HOOK2: variants seen among roughly 807,000 people sequenced by gnomAD.
HOOK2 encodes protein Hook homolog 2.
A neutral mutation model predicts 111.9 loss-of-function variants in HOOK2; 108 were observed. The observed-to-expected ratio is 0.96, with a 90% CI of 0.83 to 1.13. The LOEUF (loss-of-function observed/expected upper bound fraction) is 1.13. HOOK2 is among the 50% of genes most tolerant of loss of function. The pLI is 0.00. For missense variants in HOOK2, 978 were observed against 951.3 expected, an observed-to-expected ratio of 1.03 and a Z score of -0.37; for synonymous variants, 405 against 394.3, an observed-to-expected ratio of 1.03 and a Z score of -0.32.
At chr19:12,764,142 G>A (rs1028417029) in intron 20 of HOOK2, among the ~76,000 whole-genome samples, 2 of 151,860 alleles carry the variant, frequency 1.3e-5, no homozygotes, top group African/African-American at 4.8e-5. Context: ...AGCCTCCCGA[G>A]TAGCTGGGAT....
chr19:12,766,035 T>C (rs771982018), intron 15 of HOOK2, 21 bp from the exon 16 acceptor site: 2 of 1,611,408 alleles, frequency 1.2e-6, no homozygotes, highest in South Asian at 2.2e-5. Flanking sequence ...GGGGGGCCGC[T>C]TAGTGCCTGT....
chr19:12,772,190 C>T lies in HOOK2; in HGVS notation c.519G>A (p.Gln173=), dbSNP rs375643455. Residue 173 remains glutamine (Q), a splice_region_variant and synonymous_variant, in exon 7 of 23, where the codon CAG becomes CAA. Transcript: ENST00000397668. ...AACACCTTTCCCCCAAATCTCTTAC[C>T]TGGCTGTCAAAGTTGCCATACGTCT... ...SPETYGNFDS[Q]SRRYYFLSEE... 3 of 1,610,456 alleles carry T rather than the reference C, an allele frequency of 1.9e-6. No homozygotes were observed. The highest frequency in any genetic ancestry group is 2.2e-5 in the East Asian group (1 of 44,878).
chr19:12,782,583 T>A (rs376408647), upstream of HOOK2, among the ~76,000 whole-genome samples: 1 of 152,024 alleles, frequency 6.6e-6, no homozygotes, highest in African/African-American at 2.4e-5. Flanking sequence ...GCTGCGTGCG[T>A]GGAACCCGAC....
At chr19:12,765,144 G>T in intron 18 of HOOK2, 63 bp from the exon 19 acceptor site, 2 of 1,533,708 alleles carry the variant, frequency 1.3e-6, no homozygotes, top group South Asian at 1.1e-5. Context: ...TTGTCCCAGT[G>T]GTAGCCACAG....
intron 13 of HOOK2, 88 bp downstream of exon 13, chr19:12,767,728 C>A: frequency 7.8e-7 from 1 of 1,283,458 alleles, no homozygotes; most frequent in East Asian, 2.5e-5. Context: ...AGCTCTGTCC[C>A]CAACCTAGAC....
intron 3 of HOOK2, chr19:12,784,828 CAA>C (rs974143509): frequency 4.6e-5 from 7 of 152,212 alleles, no homozygotes; most frequent in East Asian, 1.9e-4. Flanking sequence ...AGAGACAAGA[CAA>C]GAGAGACAAA....
chr19:12,777,876 A>G (rs1019833448), upstream of HOOK2, among the ~76,000 whole-genome samples: 3 of 152,280 alleles, frequency 2.0e-5, no homozygotes, highest in African/African-American at 4.8e-5. Flanking sequence ...GTCACCATGT[A>G]TGGAGTGCTT....
upstream of HOOK2, among the ~76,000 whole-genome samples, chr19:12,782,583 T>C (rs376408647): frequency 1.5e-4 from 23 of 152,140 alleles, no homozygotes; most frequent in East Asian, 3.9e-3. Flanking sequence ...GCTGCGTGCG[T>C]GGAACCCGAC....
At chr19:12,773,346 G>A (rs1472457665) in intron 3 of HOOK2, 2 of 348,374 alleles carry the variant, frequency 5.7e-6, no homozygotes, top group East Asian at 6.0e-5. Flanking sequence ...ACCTCCTGGG[G>A]TCAAGCAATC....
chr19:12,771,641 G>A (rs1400542883), intron 7 of HOOK2, among the ~76,000 whole-genome samples, 164 bp from the exon 8 acceptor site: 2 of 152,168 alleles, frequency 1.3e-5, no homozygotes, highest in Admixed American at 1.3e-4. Flanking sequence ...CCAGCACTTT[G>A]GGAGGCTGAG....
At chr19:12,785,678 C>T (rs961763900) in intron 3 of HOOK2, among the ~76,000 whole-genome samples, 1 of 152,198 alleles carries the variant, frequency 6.6e-6, no homozygotes, top group African/African-American at 2.4e-5. Flanking sequence ...CTACTCCTGT[C>T]TCTCAGGCCT....
Position 12,772,135 on chromosome 19 carries a change from G to A in HOOK2, c.519+55C>T, listed in dbSNP as rs1312552750. The A allele has an allele frequency of 2.2e-6, 3 of 1,338,494 alleles. No individual in the cohort carries two copies. In the African/African-American group the frequency reaches 4.3e-5, roughly 19 times the overall value. The allele number at this position is 1,338,494 out of a possible 1,614,324, so 82.9% of individuals were successfully genotyped here. The stretch of plus-strand genomic sequence containing the variant: ...ACAGCAAACTTATCCCCAACTCCCG[G>A]CCTTTGGATTTGCTGATCCCTGTGC... On this transcript the variant is annotated intron_variant, in intron 7 of 22. Coordinates refer to ENST00000397668, the MANE Select transcript of HOOK2 (RefSeq NM_013312.3).
intron 14 of HOOK2, chr19:12,766,576 GGTTA>G (rs1490897852): frequency 6.2e-6 from 2 of 320,594 alleles, no homozygotes; most frequent in Admixed American, 4.8e-5. Flanking sequence ...TTGTTTGTTT[GGTTA>G]GTTTTGGCTT....
intron 3 of HOOK2, chr19:12,774,028 C>T (rs946211043): frequency 6.5e-6 from 1 of 154,414 alleles, no homozygotes; most frequent in African/African-American, 2.4e-5. Context: ...CCTCATTGCT[C>T]TCTCTCAAAG....
At chr19:12,774,535 G>T in intron 3 of HOOK2, 134 bp downstream of exon 3, 1 of 861,416 alleles carries the variant, frequency 1.2e-6, no homozygotes, top group Non-Finnish European at 1.9e-6. Flanking sequence ...CTCCATAGAT[G>T]AATGGATGAA....
chr19:12,776,419 C>T (rs1319861358), upstream of HOOK2, among the ~76,000 whole-genome samples: 7 of 151,754 alleles, frequency 4.6e-5, no homozygotes, highest in African/African-American at 1.7e-4. Context: ...CGGTGGCTCA[C>T]GCCTGTAATC....
chr19:12,767,791 A>T, intron 13 of HOOK2, 25 bp downstream of exon 13: 1 of 1,594,448 alleles, frequency 6.3e-7, no homozygotes, highest in South Asian at 1.1e-5. Flanking sequence ...GACAGGTAAG[A>T]CCCCGGGATG....
At position 12,791,518 on chromosome 19, in the gene HOOK2, G is replaced by T. The variant is rs1968713885; in HGVS notation, n.42-17293C>A. 2 of 445,564 alleles carry T rather than the reference G, an allele frequency of 4.5e-6. No individual in the cohort carries two copies. The highest frequency in any genetic ancestry group is 7.9e-6 in the Non-Finnish European group (2 of 251,736). The allele number at this position is 445,564 out of a possible 1,614,324, so 27.6% of individuals were successfully genotyped here. On this transcript the variant is annotated intron_variant and non_coding_transcript_variant, in intron 3 of 3. Coordinates refer to the HOOK2 transcript ENST00000589765. The surrounding 1 kb of genome is among the most constrained non-coding windows in gnomAD (Gnocchi z 7.0). The stretch of plus-strand genomic sequence containing the variant: ...TGAGAGCGGCCAGGCCAGCCTCGGA[G>T]CCAGCAGGGAGCTGGGAGCTGGGGG...
chr19:12,772,826 C>G lies in HOOK2; in HGVS notation c.342G>C (p.Leu114=), dbSNP rs200145692. ...EFSDPAELGK[L]LQLVLGCAIS... ...TGGCACAGCCCAGCACCAGCTGAAG[C>G]AGCTTGCCGAGCTCTGCCGGGTCTG... The change falls in exon 5 of 23, where the codon CTG becomes CTC. Residue 114 remains leucine (L), a synonymous_variant. Transcript: ENST00000397668. 1.2e-6 allele frequency: 2 copies of G among 1,614,200 alleles called. No homozygotes were observed. The highest frequency in any genetic ancestry group is 1.7e-6 in the Non-Finnish European group (2 of 1,180,044).
Sources: allele counts gnomAD v4.1 joint callset (sites outside exome capture counted in the v4.1 genomes callset), GRCh38; gene constraint gnomAD v4.1.1; non-coding constraint Gnocchi (gnomAD v3.1); transcripts MANE v1.5; gene names NCBI Gene and HGNC (gene_info 2026-07-23, HGNC 2026-07-21).